Variants in CEP164 observed in about 807,000 individuals in gnomAD.
CEP164 encodes the protein centrosomal protein of 164 kDa.
In CEP164, 162 loss-of-function variants were observed where a neutral mutation model predicts 182.7. The ratio of observed to expected loss-of-function variants is 0.89; its 90% CI spans 0.78 to 1.01. The LOEUF (loss-of-function observed/expected upper bound fraction) is 1.01, where lower values mean the gene tolerates loss of function less well. Among genes scored for constraint, CEP164 ranks in the 50% least tolerant of loss-of-function variants. CEP164 has a pLI of 0.00. For synonymous variants in CEP164, 661 were observed against 690.0 expected (o/e 0.96, Z 0.66); for missense variants, 1,735 against 1,790.4 (o/e 0.97, Z 0.56).
At position 117,411,446 on chromosome 11, in the gene CEP164, C is replaced by T. The variant is rs893567190; in HGVS notation, c.4164-349C>T. The T allele has an allele frequency of 1.3e-5, 4 of 298,568 alleles. No homozygotes were observed. The highest frequency in any genetic ancestry group is 2.1e-5 in the African/African-American group (1 of 46,814). 18.5% of individuals were successfully genotyped at this position (298,568 alleles called of 1,614,324 possible). A position where few individuals can be genotyped will look rare whatever the true frequency, so the allele number is the denominator to read the frequency against. The stretch of plus-strand genomic sequence containing the variant: ...CCCTTAGGCAGCTAACAGTGAGTAC[C>T]CCCCACTAACCCTTTGGCCAACTTG... On this transcript the variant is annotated intron_variant, in intron 31 of 32. Transcript: ENST00000278935. This position sits in a 1 kb window ranked among gnomAD's most constrained non-coding sequence, Gnocchi z 4.4.
At chr11:117,335,236 G>C (rs2036898243) in intron 1 of CEP164, among the ~76,000 whole-genome samples, 1 of 152,272 alleles carries the variant, frequency 6.6e-6, no homozygotes, top group Middle Eastern at 3.4e-3. Context: ...AGGATGTTAC[G>C]GGTTCTTCTG....
rs777103598 is a variant in CEP164 at position 117,363,481 on chromosome 11, C to G, written c.740C>G (p.Ala247Gly). The G allele has an allele frequency of 6.2e-7, 1 of 1,613,958 alleles. No individual in the cohort carries two copies. The highest frequency in any genetic ancestry group is 2.2e-5 in the East Asian group (1 of 44,886). ...PLRNLHLDIG[A>G]LGGDFEYEES... is the part of the protein sequence containing the mutation. ...AGGAACCTACACCTGGACATTGGGG[C>G]ACTGGGGGGTGACTTTGAGTATGAG... The change falls in exon 8 of 33, where the codon GCA becomes GGA. Residue 247 changes from alanine to glycine, a missense_variant. Transcript: ENST00000278935.
intron 12 of CEP164, among the ~76,000 whole-genome samples, 161 bp from the exon 13 acceptor site, chr11:117,381,540 G>T (rs1261823784): frequency 2.0e-5 from 3 of 152,194 alleles, no homozygotes; most frequent in Admixed American, 2.0e-4. Context: ...ATGTGTGGCT[G>T]CCTTGCCCTG....
At chr11:117,336,889 GGCA>G (rs1735055983) in intron 2 of CEP164, among the ~76,000 whole-genome samples, 2 of 151,970 alleles carry the variant, frequency 1.3e-5, no homozygotes, top group African/African-American at 4.8e-5. Context: ...GTCTGTGTGT[GGCA>G]GCAGTTTCCC....
In CEP164 at chr11:117,413,110, G is replaced by T. The variant is rs758414299; in HGVS notation, c.*942G>T. 1.1e-4 allele frequency: 17 copies of T among 152,282 alleles called. No homozygotes were observed. The highest frequency in any genetic ancestry group is 2.1e-4 in the Non-Finnish European group (14 of 68,070). The allele number at this position is 152,282 out of a possible 1,614,324, so 9.4% of individuals were successfully genotyped here. On this transcript the variant is annotated 3_prime_UTR_variant, in exon 33 of 33. Coordinates refer to ENST00000278935, the MANE Select transcript of CEP164 (RefSeq NM_014956.5). ...CGGTGCCCGGCCCTGGCAGCAAGGG[G>T]TCTTTGTGCAGTTGGAGATGCTGCC...
chr11:117,399,390 G>A (rs971632120), intron 27 of CEP164, among the ~76,000 whole-genome samples: 1 of 152,110 alleles, frequency 6.6e-6, no homozygotes, highest in Admixed American at 6.5e-5. Context: ...TCATTGATGG[G>A]CATTTGGGTT....
At chr11:117,366,781 C>G (rs2041681650) in intron 8 of CEP164, among the ~76,000 whole-genome samples, 1 of 152,124 alleles carries the variant, frequency 6.6e-6, no homozygotes, top group Non-Finnish European at 1.5e-5. Flanking sequence ...AGGTTCAGCT[C>G]CTTATCCTTC....
chr11:117,347,697 C>G lies in CEP164; in HGVS notation c.194+3420C>G, dbSNP rs549202905. ...TGCACTCCAGCCTGGGCAGCAAGAG[C>G]GAAACTCCATCTCAAAAAAAAAAAA... On this transcript the variant is annotated intron_variant, in intron 4 of 32. Coordinates refer to ENST00000278935, the MANE Select transcript of CEP164 (RefSeq NM_014956.5). Among the ~76,000 whole-genome samples the G allele has an allele frequency of 2.1e-5, 3 of 145,632 alleles. No homozygotes were observed. In the Admixed American group the frequency reaches 2.1e-4, roughly 10 times the overall value.
At chr11:117,343,919 G>A (rs1276965015) in intron 3 of CEP164, among the ~76,000 whole-genome samples, 4 of 152,060 alleles carry the variant, frequency 2.6e-5, no homozygotes, top group Non-Finnish European at 4.4e-5. Context: ...ATGAGCCATG[G>A]CACCTGGCCT....
intron 2 of CEP164, chr11:117,336,402 G>A: frequency 7.1e-7 from 1 of 1,400,278 alleles, no homozygotes; most frequent in South Asian, 1.2e-5. Flanking sequence ...ATGGAGGAAG[G>A]TGGGGACCCG....
rs377597884 is a variant in CEP164 at position 117,394,389 on chromosome 11, G to A, written c.2656G>A (p.Gly886Arg). 1.2e-5 allele frequency: 20 copies of A among 1,610,520 alleles called. No homozygotes were observed. The Admixed American group carries it at 1.7e-4, about 14-fold the overall frequency. ...GGCTGAGCTTCTGGGGCACCTGACC[G>A]GAGAGCTGGAGCGCCTGCAGAGGGC... is the stretch of plus-strand genomic sequence containing the variant. The part of the protein sequence containing the change: ...QRAELLGHLT[G>R]ELERLQRAHE... Residue 886 changes from glycine (G) to arginine (R), a missense_variant, in exon 21 of 33, where the codon GGA (glycine) becomes AGA (arginine). Physicochemically the swap from Gly to Arg is moderately radical, Grantham distance 125. Coordinates refer to ENST00000278935, the MANE Select transcript of CEP164 (RefSeq NM_014956.5). This position sits in a 1 kb window ranked among gnomAD's most constrained non-coding sequence, Gnocchi z 4.0.
At chr11:117,334,784 C>CAAAA (rs5795074) in intron 1 of CEP164, among the ~76,000 whole-genome samples, 10 of 102,960 alleles carry the variant, frequency 9.7e-5, no homozygotes, top group South Asian at 3.5e-4. Flanking sequence ...GACTTCGTTT[C>CAAAA]AAAAAAAAAA....
rs1394376010 is a variant in CEP164, at chr11:117,375,638, A to T, written c.1234-70A>T. On this transcript the variant is annotated intron_variant, in intron 10 of 32. Coordinates refer to ENST00000278935, the MANE Select transcript of CEP164 (RefSeq NM_014956.5). Reference sequence around the variant, plus strand: ...TCTTTCTGGAAAGTGGAGTTGGGGTAGTGAAGAGGCCTGGTGGGTGTTGAC... The same window carrying T: ...TCTTTCTGGAAAGTGGAGTTGGGGTTGTGAAGAGGCCTGGTGGGTGTTGAC... 1.1e-5 allele frequency: 14 copies of T among 1,234,734 alleles called. No homozygotes were observed. The Admixed American group carries it at 2.4e-4, about 21-fold the overall frequency. The allele number at this position is 1,234,734 out of a possible 1,614,324, so 76.5% of individuals were successfully genotyped here.
chr11:117,381,992 T>A, intron 13 of CEP164, 124 bp downstream of exon 13: 1 of 666,780 alleles, frequency 1.5e-6, no homozygotes, highest in Non-Finnish European at 2.3e-6. Context: ...AGTGGGGAGC[T>A]GGGGCGGGTT....
rs571526801 is a variant in CEP164, at chr11:117,396,493, C to T, written c.3217-57C>T. The T allele has an allele frequency of 2.8e-6, 4 of 1,438,176 alleles. No individual in the cohort carries two copies. In the African/African-American group the frequency reaches 4.2e-5, roughly 15 times the overall value. The allele number at this position is 1,438,176 out of a possible 1,614,324, so 89.1% of individuals were successfully genotyped here. ...CTGGGAGGGGCTTTGGGGTCTTGAA[C>T]CTGCAGGGTGTCTGCTTTTGCTACA... On this transcript the variant is annotated intron_variant, in intron 25 of 32. Coordinates refer to ENST00000278935, the MANE Select transcript of CEP164 (RefSeq NM_014956.5).
rs147802563 is a variant in CEP164, at chr11:117,394,477, G to A, written c.2744G>A (p.Arg915His). The A allele has an allele frequency of 1.5e-4, 246 of 1,613,928 alleles. 3 individuals are homozygous for A. Among genetic ancestry groups the A allele is most frequent in the South Asian group, 4.1e-4 (37 of 91,052 alleles). The change falls in exon 21 of 33, where the codon CGC (arginine) becomes CAC (histidine). Residue 915 changes from arginine (R) to histidine (H), a missense_variant. Physicochemically the swap from Arg to His is conservative, Grantham distance 29. Transcript: ENST00000278935. The surrounding 1 kb of genome is among the most constrained non-coding windows in gnomAD (Gnocchi z 4.0). ...CACAAGCGTCTTGAGGACTTGCGGC[G>A]CCGGCACAGGGAGCAGGTGAGGGGC... ...EQHKRLEDLR[R>H]RHREQERKLQ...
chr11:117,391,297 G>A, intron 17 of CEP164, 82 bp downstream of exon 17: 2 of 1,236,208 alleles, frequency 1.6e-6, no homozygotes, highest in Admixed American at 4.2e-5. Flanking sequence ...AGGAGAAGAA[G>A]GGCAAGTCTC....
chr11:117,409,800 A>ACCCCCC lies in CEP164; in HGVS notation c.3936_3937insCCCCCC (p.Pro1312_Thr1313insProPro). The ACCCCCC allele has an allele frequency of 7.1e-6, 4 of 565,914 alleles. No homozygotes were observed. Among genetic ancestry groups the ACCCCCC allele is most frequent in the South Asian group, 6.8e-5 (3 of 44,134 alleles). 35.1% of individuals were successfully genotyped at this position (565,914 alleles called of 1,614,324 possible). A position where few individuals can be genotyped will look rare whatever the true frequency, so the allele number is the denominator to read the frequency against. Reference sequence around the variant, plus strand: ...TCCCCGGGACCCTAAGAGCACCCCCACCCCCACCTACTATGGCTCCCTGGC... The same window carrying ACCCCCC: ...TCCCCGGGACCCTAAGAGCACCCCCACCCCCCCCCCCACCTACTATGGCTCCCTGGC... On this transcript the variant is annotated inframe_insertion, in exon 30 of 33. Coordinates refer to ENST00000278935, the MANE Select transcript of CEP164 (RefSeq NM_014956.5). The surrounding 1 kb of genome is among the most constrained non-coding windows in gnomAD (Gnocchi z 4.4).
Position 117,397,037 on chromosome 11 carries a change from C to G in CEP164, c.3279-54C>G, listed in dbSNP as rs1047911067. The G allele has an allele frequency of 9.2e-6, 14 of 1,513,988 alleles. No individual in the cohort carries two copies. In the African/African-American group the frequency reaches 1.9e-4, roughly 21 times the overall value. 93.8% of individuals were successfully genotyped at this position (1,513,988 alleles called of 1,614,324 possible). On this transcript the variant is annotated intron_variant, in intron 26 of 32. Coordinates refer to ENST00000278935, the MANE Select transcript of CEP164 (RefSeq NM_014956.5). ...CTGCTGGGGAAGGGGCTGTGTGACC[C>G]AGAGCAGAGTTCTTAGAGGCTTCTG...
Sources: gnomAD v4.1 joint callset for allele counts (sites outside exome capture counted in the v4.1 genomes callset) on GRCh38, gnomAD v4.1.1 for gene constraint, Gnocchi (gnomAD v3.1) non-coding constraint, MANE v1.5 for transcripts, NCBI Gene and HGNC (gene_info 2026-07-23, HGNC 2026-07-21) for gene names.